Variants in HDAC4 observed in about 807,000 individuals in gnomAD.
HDAC4 encodes histone deacetylase A.
A neutral mutation model predicts 135.1 loss-of-function variants in HDAC4; 16 were observed. The ratio of observed to expected loss-of-function variants is 0.12; its 90% CI spans 0.08 to 0.18. The LOEUF (loss-of-function observed/expected upper bound fraction) is 0.18. HDAC4 is among the 10% of genes least tolerant of loss of function. The pLI, the probability that HDAC4 is intolerant of heterozygous loss-of-function variation, is 1.00. For synonymous variants in HDAC4, 685 were observed against 653.4 expected (o/e 1.05, Z -0.74); for missense variants, 1,143 against 1,511.8 (o/e 0.76, Z 4.05).
chr2:239,204,613 G>A (rs762128837), intron 3 of HDAC4, among the ~76,000 whole-genome samples: 7 of 152,192 alleles, frequency 4.6e-5, no homozygotes, highest in African/African-American at 1.4e-4. Context: ...AAGAGGGTCC[G>A]TGGAGGGCTG....
In HDAC4 at chr2:239,334,305, A is replaced by C. The variant is rs748640252; in HGVS notation, c.22+18373T>G. On this transcript the variant is annotated intron_variant, in intron 2 of 26. Transcript: ENST00000543185. Reference sequence around the variant, plus strand: ...GAGGCCGAGGAGGACGGATTGCTTGAGGTCAGGAGTTCGAGACCAGCCTGA... The same window carrying C: ...GAGGCCGAGGAGGACGGATTGCTTGCGGTCAGGAGTTCGAGACCAGCCTGA... 3.5e-4 allele frequency among the ~76,000 whole-genome samples: 53 copies of C among 151,820 alleles called. 1 individual carries two copies. Among genetic ancestry groups the C allele is most frequent in the Admixed American group, 3.9e-4 (6 of 15,272 alleles).
At chr2:239,311,417 C>T (rs955470097) in intron 2 of HDAC4, among the ~76,000 whole-genome samples, 14 of 152,226 alleles carry the variant, frequency 9.2e-5, no homozygotes, top group African/African-American at 3.4e-4. Context: ...CCTCAGCCGG[C>T]GTCAGCTGTT....
intron 2 of HDAC4, among the ~76,000 whole-genome samples, chr2:239,244,424 C>T (rs1489430041): frequency 6.6e-6 from 1 of 152,064 alleles, no homozygotes; most frequent in African/African-American, 2.4e-5. Flanking sequence ...GTGCGGTGCA[C>T]ACTCACATGC....
Position 239,102,820 on chromosome 2 carries a change from G to A in HDAC4, c.2189C>T (p.Thr730Met), listed in dbSNP as rs2037782730. The A allele has an allele frequency of 3.1e-6, 5 of 1,613,822 alleles. No individual in the cohort carries two copies. The highest frequency in any genetic ancestry group is 1.7e-5 in the Admixed American group (1 of 60,002). The change falls in exon 16 of 27, where the codon ACG becomes ATG. Residue 730 changes from threonine to methionine, a missense_variant. Thr to Met is a moderately conservative substitution (Grantham distance 81). This residue lies in a region of HDAC4 where 47 missense variants were observed against 117.2 expected (regional missense o/e 0.40). Coordinates refer to ENST00000543185, the MANE Select transcript of HDAC4 (RefSeq NM_001378414.1). The part of the protein sequence containing the change: ...HSEAHTLLYG[T>M]NPLNRQKLDS... ...CAGTTTCTGCCGGTTGAGGGGGTTC[G>A]TGCCATACAGGAGGGTGTGGGCTTC...
chr2:239,124,519 C>A (rs1460913719), intron 12 of HDAC4, among the ~76,000 whole-genome samples: 1 of 152,196 alleles, frequency 6.6e-6, no homozygotes, highest in African/African-American at 2.4e-5. Flanking sequence ...ATATGACATT[C>A]CGGCGTGCCG....
At chr2:239,376,104 C>T (rs1559394222) in intron 1 of HDAC4, among the ~76,000 whole-genome samples, 1 of 152,132 alleles carries the variant, frequency 6.6e-6, no homozygotes, top group Non-Finnish European at 1.5e-5. Context: ...GCTCACAACC[C>T]TCCACCATCC....
At chr2:239,095,464 G>A (rs953690249) in intron 16 of HDAC4, among the ~76,000 whole-genome samples, 1 of 152,182 alleles carries the variant, frequency 6.6e-6, no homozygotes, top group Non-Finnish European at 1.5e-5. Context: ...AGCTCCTAGG[G>A]CTTGTCTAGC....
chr2:239,222,154 C>T (rs1399296551), intron 3 of HDAC4, among the ~76,000 whole-genome samples: 1 of 152,164 alleles, frequency 6.6e-6, no homozygotes, highest in Admixed American at 6.5e-5. Flanking sequence ...CTGGCTTTTA[C>T]GGCAGCCCGT....
intron 2 of HDAC4, among the ~76,000 whole-genome samples, chr2:239,297,338 T>C (rs1300244704): frequency 6.6e-6 from 1 of 152,232 alleles, no homozygotes; most frequent in Non-Finnish European, 1.5e-5. Flanking sequence ...GGTCCCATGC[T>C]GTCCCAGAGA....
intron 11 of HDAC4, among the ~76,000 whole-genome samples, chr2:239,130,218 C>T (rs1295146852): frequency 3.9e-5 from 6 of 152,342 alleles, no homozygotes; most frequent in African/African-American, 1.2e-4. Flanking sequence ...TCTGTTTGAG[C>T]TTCTGGGGAT....
At chr2:239,252,862 C>T (rs1245141182) in intron 2 of HDAC4, among the ~76,000 whole-genome samples, 2 of 152,214 alleles carry the variant, frequency 1.3e-5, no homozygotes, top group African/African-American at 4.8e-5. Context: ...GATCATTTCT[C>T]TCCTCCCTCC....
intron 2 of HDAC4, among the ~76,000 whole-genome samples, chr2:239,261,379 G>A (rs2049356286): frequency 6.6e-6 from 1 of 152,228 alleles, no homozygotes. Context: ...GCTGCCGTGT[G>A]CTGAGATGGA....
At chr2:239,119,827 G>A (rs1003555449) in intron 12 of HDAC4, among the ~76,000 whole-genome samples, 12 of 152,208 alleles carry the variant, frequency 7.9e-5, no homozygotes, top group South Asian at 4.1e-4. Context: ...ATGAGTCAGC[G>A]CGAGGGCAGG....
intron 2 of HDAC4, among the ~76,000 whole-genome samples, chr2:239,328,037 C>G (rs1300068143): frequency 1.3e-5 from 2 of 152,244 alleles, no homozygotes; most frequent in African/African-American, 4.8e-5. Context: ...CTGCCAGTGA[C>G]TGGTCCCCGC....
chr2:239,185,111 C>G (rs1473795984), intron 4 of HDAC4, among the ~76,000 whole-genome samples: 2 of 151,434 alleles, frequency 1.3e-5, no homozygotes, highest in East Asian at 4.0e-4. Context: ...GGAGGCTGTG[C>G]CCTATGGGTG....
intron 6 of HDAC4, among the ~76,000 whole-genome samples, chr2:239,162,604 G>C (rs1260371650): frequency 5.3e-5 from 8 of 152,194 alleles, no homozygotes; most frequent in African/African-American, 1.9e-4. Flanking sequence ...GGTCCCAGTG[G>C]GTCACTGCTG....
At chr2:239,250,802 G>A (rs1012377114) in intron 2 of HDAC4, among the ~76,000 whole-genome samples, 8 of 152,326 alleles carry the variant, frequency 5.3e-5, no homozygotes, top group Admixed American at 1.3e-4. Flanking sequence ...AGGCCACAGC[G>A]AAGGGGCACG....
At chr2:239,366,158 G>A (rs542353315) in intron 1 of HDAC4, among the ~76,000 whole-genome samples, 23 of 147,188 alleles carry the variant, frequency 1.6e-4, no homozygotes, top group African/African-American at 4.5e-4. Flanking sequence ...GAGCAGGGTC[G>A]TCAGGGTCAT....
chr2:239,053,338 C>T (rs1200543646), intron 26 of HDAC4, 122 bp downstream of exon 26: 1 of 1,409,920 alleles, frequency 7.1e-7, no homozygotes, highest in Non-Finnish European at 9.7e-7. Flanking sequence ...GGGGGCCACA[C>T]TGGCCTGTCT....
Sources: gnomAD v4.1 joint callset for allele counts (sites outside exome capture counted in the v4.1 genomes callset) on GRCh38, gnomAD v4.1.1 for gene constraint, gnomAD v4.1.1 regional missense constraint, MANE v1.5 for transcripts, NCBI Gene and HGNC (gene_info 2026-07-23, HGNC 2026-07-21) for gene names.